The following SLC5A1 variants were observed in gnomAD, a reference collection of about 807,000 sequenced individuals.
SLC5A1 encodes the protein sodium/glucose cotransporter 1.
SLC5A1 carries 42 observed loss-of-function variants against 73.5 expected under a neutral mutation model. The ratio of observed to expected loss-of-function variants is 0.57; its 90% CI spans 0.45 to 0.74. The LOEUF is 0.74. Among genes scored for constraint, SLC5A1 ranks in the 30% least tolerant of loss-of-function variants. The probability of loss-of-function intolerance (pLI) is 0.00; values close to 1 mark genes in which losing one functional copy is unlikely to be tolerated. For synonymous variants in SLC5A1, 300 were observed against 317.4 expected (o/e 0.95, Z 0.58); for missense variants, 634 against 855.4 (o/e 0.74, Z 3.23).
chr22:32,068,156 T>G, intron 4 of SLC5A1, 130 bp downstream of exon 4: 6 of 920,860 alleles, frequency 6.5e-6, no homozygotes, highest in Non-Finnish European at 1.1e-5. Flanking sequence ...CACTCCCAGG[T>G]TATGAAATTC....
At chr22:32,051,316 T>C (rs1287795120) in intron 2 of SLC5A1, among the ~76,000 whole-genome samples, 1 of 152,152 alleles carries the variant, frequency 6.6e-6, no homozygotes, top group African/African-American at 2.4e-5. Context: ...CTCTATAATG[T>C]GGAGCTGGTC....
intron 2 of SLC5A1, among the ~76,000 whole-genome samples, chr22:32,063,249 G>A (rs2093966545): frequency 6.6e-6 from 1 of 152,184 alleles, no homozygotes. Flanking sequence ...GTCTATAACA[G>A]TATCCATTGT....
chr22:32,099,977 G>C (rs1318866111), intron 12 of SLC5A1, among the ~76,000 whole-genome samples: 1 of 152,226 alleles, frequency 6.6e-6, no homozygotes, highest in African/African-American at 2.4e-5. Flanking sequence ...TTTAAGAAAG[G>C]CTTTATTAGC....
At chr22:32,058,204 C>T (rs535866512) in intron 2 of SLC5A1, among the ~76,000 whole-genome samples, 22 of 152,166 alleles carry the variant, frequency 1.4e-4, no homozygotes, top group African/African-American at 5.3e-4. Context: ...TTCTTCAAAG[C>T]TATAATTTTA....
rs1011548081 is a variant in SLC5A1 at position 32,112,175 on chromosome 22, T to C, written c.*1962T>C. On this transcript the variant is annotated 3_prime_UTR_variant, in exon 15 of 15. Transcript: ENST00000266088. The stretch of plus-strand genomic sequence containing the variant: ...TCAGTATAACATTTATTTAAATAAG[T>C]AGGTGCTCAATAGGTGTTGGTCTTC... 2.0e-5 allele frequency: 3 copies of C among 152,162 alleles called. No homozygotes were observed. The highest frequency in any genetic ancestry group is 7.2e-5 in the African/African-American group (3 of 41,440). 9.4% of individuals were successfully genotyped at this position (152,162 alleles called of 1,614,324 possible).
At chr22:32,107,100 C>A (rs1405886453) in intron 14 of SLC5A1, among the ~76,000 whole-genome samples, 4 of 152,118 alleles carry the variant, frequency 2.6e-5, no homozygotes, top group African/African-American at 4.8e-5. Flanking sequence ...CTTGTGACTG[C>A]AAATACTGGA....
rs548352230 is a variant in SLC5A1 at position 32,101,686 on chromosome 22, T to C, written c.1450-336T>C. On this transcript the variant is annotated intron_variant, in intron 12 of 14. Coordinates refer to ENST00000266088, the MANE Select transcript of SLC5A1 (RefSeq NM_000343.4). ...CAGGTGGAGAGGCTCAAATTATTTT[T>C]CAAGTTAAAGGGAATTTTTGGAATC... Among the ~76,000 whole-genome samples the C allele has an allele frequency of 1.1e-4, 16 of 152,332 alleles. No individual in the cohort carries two copies. In the East Asian group the frequency reaches 2.9e-3, roughly 28 times the overall value.
chr22:32,078,067 C>T (rs2093993848), intron 5 of SLC5A1, among the ~76,000 whole-genome samples: 1 of 152,088 alleles, frequency 6.6e-6, no homozygotes, highest in African/African-American at 2.4e-5. Flanking sequence ...TTCTCCCCAC[C>T]CCTACCATCA....
chr22:32,105,008 G>A lies in SLC5A1; in HGVS notation c.1771+117G>A, dbSNP rs2094042977. On this transcript the variant is annotated intron_variant, in intron 14 of 14. Coordinates refer to ENST00000266088, the MANE Select transcript of SLC5A1 (RefSeq NM_000343.4). Reference sequence around the variant, plus strand: ...AGAGCTCAGATGTCTCCCCTCCAGGGCAGTGAGGAGTAGGGTGGGGATGAG... The same window carrying A: ...AGAGCTCAGATGTCTCCCCTCCAGGACAGTGAGGAGTAGGGTGGGGATGAG... 5 of 773,646 alleles carry A rather than the reference G, an allele frequency of 6.5e-6. No individual in the cohort carries two copies. The African/African-American group carries it at 8.5e-5, about 13-fold the overall frequency. The allele number at this position is 773,646 out of a possible 1,614,324, so 47.9% of individuals were successfully genotyped here.
chr22:32,050,067 T>G (rs539224379), intron 2 of SLC5A1, 53 bp downstream of exon 2: 1 of 1,449,742 alleles, frequency 6.9e-7, no homozygotes, highest in Non-Finnish European at 9.7e-7. Flanking sequence ...ATACTCCCTT[T>G]AGGAACTCAT....
intron 1 of SLC5A1, among the ~76,000 whole-genome samples, chr22:32,044,804 A>G (rs2093935007): frequency 6.6e-6 from 1 of 152,214 alleles, no homozygotes. Context: ...GAGGATACGC[A>G]GAGGTGAATC....
chr22:32,073,748 G>A (rs1442666947), intron 5 of SLC5A1, among the ~76,000 whole-genome samples: 2 of 152,108 alleles, frequency 1.3e-5, no homozygotes, highest in East Asian at 1.9e-4. Context: ...TAGTAGAGAC[G>A]GGGTTTTACC....
chr22:32,098,252 C>T (rs1387181996), intron 11 of SLC5A1, among the ~76,000 whole-genome samples: 1 of 152,198 alleles, frequency 6.6e-6, no homozygotes, highest in Non-Finnish European at 1.5e-5. Context: ...TATTCTTGCT[C>T]AAGTATACTG....
intron 2 of SLC5A1, among the ~76,000 whole-genome samples, chr22:32,058,679 C>T (rs1195791864): frequency 6.6e-6 from 1 of 152,084 alleles, no homozygotes; most frequent in Non-Finnish European, 1.5e-5. Flanking sequence ...ATTTATTTGC[C>T]AACACCAAGT....
At chr22:32,049,588 A>G (rs2093942581) in intron 1 of SLC5A1, among the ~76,000 whole-genome samples, 1 of 151,222 alleles carries the variant, frequency 6.6e-6, no homozygotes. Flanking sequence ...AGCATTCATT[A>G]GGAACCTCAA....
chr22:32,082,208 T>C (rs12159428), intron 6 of SLC5A1, among the ~76,000 whole-genome samples: 1 of 152,046 alleles, frequency 6.6e-6, no homozygotes, highest in Non-Finnish European at 1.5e-5. Flanking sequence ...CAGGAGTGCA[T>C]GCAGAGCTGG....
intron 5 of SLC5A1, among the ~76,000 whole-genome samples, chr22:32,071,492 A>G (rs2093982746): frequency 6.6e-6 from 1 of 152,148 alleles, no homozygotes; most frequent in Non-Finnish European, 1.5e-5. Context: ...GATAACGAAC[A>G]TGGTTAACTG....
chr22:32,091,550 T>C (rs779888157), intron 10 of SLC5A1, 62 bp from the exon 11 acceptor site: 46 of 1,590,558 alleles, frequency 2.9e-5, no homozygotes, highest in Non-Finnish European at 3.8e-5. Flanking sequence ...CCTCATATAT[T>C]TTTCAAGTAC....
chr22:32,060,758 C>CG (rs1432880356), intron 2 of SLC5A1, among the ~76,000 whole-genome samples: 10 of 151,850 alleles, frequency 6.6e-5, no homozygotes, highest in African/African-American at 2.4e-4. Context: ...TTTGTAGAGA[C>CG]GGGGTCTCGC....
Sources: gnomAD v4.1 joint callset for allele counts (sites outside exome capture counted in the v4.1 genomes callset) on GRCh38, gnomAD v4.1.1 for gene constraint, MANE v1.5 for transcripts, NCBI Gene and HGNC (gene_info 2026-07-23, HGNC 2026-07-21) for gene names.